Variants in ACTR3C observed in about 807,000 individuals in gnomAD.
ACTR3C encodes the protein actin-related protein 3C.
In ACTR3C, 18 loss-of-function variants were observed where a neutral mutation model predicts 26.3. The ratio of observed to expected loss-of-function variants is 0.68; its 90% confidence interval spans 0.47 to 1.01. ACTR3C has a LOEUF of 1.01. ACTR3C is among the 50% of genes least tolerant of loss of function. The probability of loss-of-function intolerance (pLI) is 0.00; values close to 1 mark genes in which losing one functional copy is unlikely to be tolerated. For missense variants in ACTR3C, 184 were observed against 250.7 expected (o/e 0.73, Z 1.80); for synonymous variants, 55 against 94.5 (o/e 0.58, Z 2.42).
chr7:150,104,450 G>A, the ACTR3C span, among the ~76,000 whole-genome samples: 2 of 151,542 alleles, frequency 1.3e-5, no homozygotes, highest in African/African-American at 2.4e-5. Context: ...CCAATACTAC[G>A]TGAAATAAAA....
At chr7:149,953,381 A>T in the ACTR3C span, among the ~76,000 whole-genome samples, 1 of 149,564 alleles carries the variant, frequency 6.7e-6, no homozygotes, top group Non-Finnish European at 1.5e-5. Context: ...GTTTACCTGT[A>T]ATTTACATGA....
chr7:150,135,155 C>T, the ACTR3C span, among the ~76,000 whole-genome samples: 324 of 152,292 alleles, frequency 2.1e-3, no homozygotes, highest in African/African-American at 7.5e-3. Flanking sequence ...GCCTGTAGTC[C>T]CAGCTACTCG....
chr7:150,144,946 C>A, the ACTR3C span, among the ~76,000 whole-genome samples: 3,976 of 149,488 alleles, frequency 0.027, 179 homozygotes, highest in African/African-American at 0.092. The surrounding 1 kb of genome is among the most constrained non-coding windows in gnomAD (Gnocchi z 4.6). Context: ...GCTACTAGGA[C>A]GGCTGAAGCA....
intron 6 of ACTR3C, among the ~76,000 whole-genome samples, chr7:150,270,802 C>T (rs150940791): frequency 6.7e-6 from 1 of 150,162 alleles, no homozygotes; most frequent in South Asian, 2.1e-4. Context: ...CACTGCTCAC[C>T]GTCTAGCTGC....
the ACTR3C span, among the ~76,000 whole-genome samples, chr7:150,006,219 A>C: frequency 3.4e-5 from 3 of 88,146 alleles, no homozygotes; most frequent in Non-Finnish European, 4.2e-5. Context: ...TATTTTGAGA[A>C]GGAGTCTTAC....
At chr7:150,111,361 C>G in the ACTR3C span, among the ~76,000 whole-genome samples, 1 of 106,034 alleles carries the variant, frequency 9.4e-6, no homozygotes, top group Non-Finnish European at 1.9e-5. Flanking sequence ...CCCAGGAGGA[C>G]CTCCGAGCCC....
the ACTR3C span, among the ~76,000 whole-genome samples, chr7:149,950,091 A>G: frequency 1.4e-5 from 2 of 148,142 alleles, no homozygotes; most frequent in African/African-American, 5.1e-5. Context: ...CCCACTCCCC[A>G]CTCCCTGTAT....
At chr7:149,900,382 G>T in the ACTR3C span, among the ~76,000 whole-genome samples, 1 of 151,926 alleles carries the variant, frequency 6.6e-6, no homozygotes, top group Non-Finnish European at 1.5e-5. Context: ...TCACCATGTT[G>T]GCCAGGATGG....
the ACTR3C span, among the ~76,000 whole-genome samples, chr7:149,925,040 A>G: frequency 6.6e-6 from 1 of 152,210 alleles, no homozygotes. Context: ...CTACCATGAA[A>G]AACCACCATG....
intron 6 of ACTR3C, among the ~76,000 whole-genome samples, chr7:150,257,669 C>T (rs1191421480): frequency 6.6e-6 from 1 of 152,134 alleles, no homozygotes; most frequent in Non-Finnish European, 1.5e-5. Context: ...AACAGCAATG[C>T]CCAATACTCA....
chr7:150,088,206 T>G, the ACTR3C span, among the ~76,000 whole-genome samples: 12 of 152,354 alleles, frequency 7.9e-5, no homozygotes, highest in South Asian at 2.5e-3. Flanking sequence ...TATCTTGTTT[T>G]CCCTTTGTTG....
chr7:150,084,248 A>T, the ACTR3C span, among the ~76,000 whole-genome samples: 1 of 152,150 alleles, frequency 6.6e-6, no homozygotes. Context: ...GAAAAAAAAA[A>T]AATAAACCTA....
At chr7:150,040,862 C>G in the ACTR3C span, among the ~76,000 whole-genome samples, 2 of 148,738 alleles carry the variant, frequency 1.3e-5, no homozygotes, top group Admixed American at 6.6e-5. Flanking sequence ...GGGGCTGGCT[C>G]TCAACCACCA....
At chr7:150,248,092 G>C (rs1181745684) in intron 7 of ACTR3C, 1 of 152,308 alleles carries the variant, frequency 6.6e-6, no homozygotes. Flanking sequence ...ACCTGCCCCT[G>C]CCAGGGTTTC....
chr7:149,925,597 C>T, the ACTR3C span, among the ~76,000 whole-genome samples: 6 of 152,158 alleles, frequency 3.9e-5, no homozygotes, highest in Non-Finnish European at 8.8e-5. Context: ...AAGGCAGCAT[C>T]TCCAGTCATT....
At chr7:150,168,187 G>A in the ACTR3C span, among the ~76,000 whole-genome samples, 1 of 150,696 alleles carries the variant, frequency 6.6e-6, no homozygotes, top group Admixed American at 6.6e-5. Context: ...CCTCCTAGAG[G>A]AGGTGAGGGG....
the ACTR3C span, among the ~76,000 whole-genome samples, chr7:149,990,988 G>C: frequency 0.043 from 6,611 of 152,208 alleles, 167 homozygotes; most frequent in Non-Finnish European, 0.064. Context: ...GCATCAGTCT[G>C]TTCTCATGCT....
chr7:150,004,349 C>G, the ACTR3C span: 1 of 152,038 alleles, frequency 6.6e-6, no homozygotes, highest in Admixed American at 6.6e-5. Flanking sequence ...AGAAGCTCAG[C>G]ATAGCCATAG....
chr7:150,154,045 G>A, the ACTR3C span, among the ~76,000 whole-genome samples: 2 of 142,696 alleles, frequency 1.4e-5, no homozygotes, highest in South Asian at 2.3e-4. Context: ...GACACAGGAA[G>A]GGGAACATCA....
Sources: allele counts gnomAD v4.1 joint callset (sites outside exome capture counted in the v4.1 genomes callset), GRCh38; gene constraint gnomAD v4.1.1; non-coding constraint Gnocchi (gnomAD v3.1); transcripts MANE v1.5; gene names NCBI Gene and HGNC (gene_info 2026-07-23, HGNC 2026-07-21).